Variants in TRANK1 observed in about 807,000 individuals in gnomAD.
The protein encoded by TRANK1 is tetratricopeptide repeat and ankyrin repeat containing 1.
In TRANK1, 198 loss-of-function variants were observed where a neutral mutation model predicts 266.0. The ratio of observed to expected loss-of-function variants is 0.74; its 90% CI spans 0.66 to 0.84. The LOEUF (loss-of-function observed/expected upper bound fraction) is 0.84, where lower values mean the gene tolerates loss of function less well. Among genes scored for constraint, TRANK1 ranks in the 40% least tolerant of loss-of-function variants. The pLI, the probability that TRANK1 is intolerant of heterozygous loss-of-function variation, is 0.00. For synonymous variants in TRANK1, 1,396 were observed against 1,384.1 expected (o/e 1.01, Z -0.19); for missense variants, 3,326 against 3,634.6 (o/e 0.92, Z 2.18).
Position 36,832,011 on chromosome 3 carries a change from G to A in TRANK1, c.7572C>T (p.Phe2524=). ...GCACCTTGGCGAGGTAGGAGAGATG[G>A]AACCGGAAATCCTGAATGGCTCTTG... The part of the protein sequence containing the change: ...DVTRAIQDFR[F]HLSYLAKVLC... Residue 2524 remains phenylalanine, a synonymous_variant, in exon 22 of 24, where the codon TTC becomes TTT. Coordinates refer to ENST00000645898, the MANE Select transcript of TRANK1 (RefSeq NM_001329998.2). 1 of 1,613,998 alleles carries A rather than the reference G, an allele frequency of 6.2e-7. No homozygotes were observed. Among genetic ancestry groups the A allele is most frequent in the Non-Finnish European group, 8.5e-7 (1 of 1,179,892 alleles).
rs2080080908 is a variant in TRANK1 at position 36,913,403 on chromosome 3, T to C, written c.24-4949A>G. ...CTTTCTTGCCTGTTTGCTTGCTTGC[T>C]TGCTTGCTTGCTCACTTACTTTCTT... On this transcript the variant is annotated intron_variant, in intron 1 of 23. Coordinates refer to ENST00000645898, the MANE Select transcript of TRANK1 (RefSeq NM_001329998.2). Among the ~76,000 whole-genome samples the C allele has an allele frequency of 2.0e-5, 3 of 152,026 alleles. No individual in the cohort carries two copies. The South Asian group carries it at 6.2e-4, about 31-fold the overall frequency.
rs1016437276 is a variant in TRANK1 at position 36,868,222 on chromosome 3, T to A, written c.1079-3742A>T. ...TCCATGTTTAATATTAGATCTTTAT[T>A]TAGAAGTCTGGTGATGTTTTTGTGA... On this transcript the variant is annotated intron_variant, in intron 9 of 23. Coordinates refer to ENST00000645898, the MANE Select transcript of TRANK1 (RefSeq NM_001329998.2). Among the ~76,000 whole-genome samples the A allele has an allele frequency of 9.9e-5, 15 of 152,230 alleles. 1 individual carries two copies. The highest frequency in any genetic ancestry group is 3.6e-4 in the African/African-American group (15 of 41,462).
At chr3:36,839,268 A>C (rs1189637042) in intron 18 of TRANK1, among the ~76,000 whole-genome samples, 1 of 152,252 alleles carries the variant, frequency 6.6e-6, no homozygotes, top group African/African-American at 2.4e-5. Flanking sequence ...TAAGGTAGGC[A>C]AACAAATGTC....
intron 3 of TRANK1, among the ~76,000 whole-genome samples, chr3:36,899,955 G>A (rs1331497813): frequency 6.6e-6 from 1 of 152,150 alleles, no homozygotes; most frequent in Non-Finnish European, 1.5e-5. Context: ...TAACTCCTGG[G>A]CTCAAACTAA....
chr3:36,883,809 C>A (rs1329185507), intron 8 of TRANK1, among the ~76,000 whole-genome samples: 1 of 152,082 alleles, frequency 6.6e-6, no homozygotes. Context: ...CAAAATCAAA[C>A]AGGATGTGGG....
intron 1 of TRANK1, among the ~76,000 whole-genome samples, chr3:36,944,472 C>CAT (rs1368884121): frequency 3.9e-5 from 6 of 152,196 alleles, no homozygotes; most frequent in Admixed American, 3.9e-4. Flanking sequence ...CCTGAGGATG[C>CAT]GGAGGTGGGC....
chr3:36,916,508 C>A (rs1224658920), intron 1 of TRANK1, among the ~76,000 whole-genome samples: 1 of 152,162 alleles, frequency 6.6e-6, no homozygotes, highest in Non-Finnish European at 1.5e-5. Context: ...TGCAGTGAGC[C>A]AAGATCGTGC....
At chr3:36,892,731 G>A (rs1033553299) in intron 6 of TRANK1, among the ~76,000 whole-genome samples, 170 bp downstream of exon 6, 5 of 152,014 alleles carry the variant, frequency 3.3e-5, no homozygotes, top group African/African-American at 9.7e-5. Flanking sequence ...TCGGGAGGCT[G>A]AGGCAGGGAG....
chr3:36,941,848 G>C (rs1287515509), intron 1 of TRANK1, among the ~76,000 whole-genome samples: 1 of 152,136 alleles, frequency 6.6e-6, no homozygotes, highest in Non-Finnish European at 1.5e-5. Context: ...GCACTCCAAG[G>C]AAATTTGTTT....
chr3:36,836,127 T>TG (rs1424602231), intron 20 of TRANK1, among the ~76,000 whole-genome samples: 1 of 152,206 alleles, frequency 6.6e-6, no homozygotes, highest in Non-Finnish European at 1.5e-5. Context: ...GTCAAGAATG[T>TG]GGGGAATGCA....
At position 36,831,066 on chromosome 3, in the gene TRANK1, T is replaced by C. The variant is rs778908385; in HGVS notation, c.8517A>G (p.Glu2839=). The change falls in exon 22 of 24, where the codon GAA becomes GAG. Residue 2839 remains glutamate (E), a synonymous_variant. Coordinates refer to ENST00000645898, the MANE Select transcript of TRANK1 (RefSeq NM_001329998.2). The surrounding 1 kb of genome is among the most constrained non-coding windows in gnomAD (Gnocchi z 5.0). ...RQQVAYQKYS[E]FFHEKVDPAI... ...CCGGGTCCACCTTCTCGTGGAAAAA[T>C]TCTGAGTATTTCTGGTAGGCCACTT... is the stretch of plus-strand genomic sequence containing the variant. 6 of 1,613,862 alleles carry C rather than the reference T, an allele frequency of 3.7e-6. No homozygotes were observed. The highest frequency in any genetic ancestry group is 5.1e-6 in the Non-Finnish European group (6 of 1,179,870).
intron 1 of TRANK1, among the ~76,000 whole-genome samples, chr3:36,935,090 A>G (rs1472355569): frequency 6.6e-6 from 1 of 152,034 alleles, no homozygotes; most frequent in African/African-American, 2.4e-5. Context: ...CAGGCCCCCA[A>G]CCCCATCTGC....
chr3:36,877,548 A>G (rs1446542594), intron 8 of TRANK1, among the ~76,000 whole-genome samples: 1 of 152,220 alleles, frequency 6.6e-6, no homozygotes, highest in East Asian at 1.9e-4. Context: ...AAAATGAACT[A>G]AAATACATTT....
intron 15 of TRANK1, chr3:36,850,103 C>T (rs1244681925): frequency 4.1e-6 from 4 of 985,420 alleles, no homozygotes; most frequent in Non-Finnish European, 3.6e-6. Flanking sequence ...TTCTTACTCG[C>T]ACAAGCATAC....
At chr3:36,931,030 T>A (rs1259479065) in intron 1 of TRANK1, among the ~76,000 whole-genome samples, 1 of 152,002 alleles carries the variant, frequency 6.6e-6, no homozygotes, top group Non-Finnish European at 1.5e-5. Flanking sequence ...AGGAAGACAT[T>A]CAGCAATACC....
chr3:36,920,063 C>T (rs775401870), intron 1 of TRANK1, among the ~76,000 whole-genome samples: 28 of 152,244 alleles, frequency 1.8e-4, no homozygotes, highest in African/African-American at 4.3e-4. Context: ...TTCTCCTATG[C>T]GGTACACAAA....
chr3:36,890,571 G>A (rs1237068267), intron 7 of TRANK1, among the ~76,000 whole-genome samples: 1 of 152,194 alleles, frequency 6.6e-6, no homozygotes, highest in Non-Finnish European at 1.5e-5. Flanking sequence ...AGCTAACATT[G>A]ACAACAGGTG....
intron 1 of TRANK1, among the ~76,000 whole-genome samples, chr3:36,922,755 G>A (rs59151356): frequency 3.4e-4 from 52 of 151,026 alleles, no homozygotes; most frequent in Admixed American, 8.6e-4. Context: ...CAGCCTGGGC[G>A]ACAGAGCAAG....
intron 1 of TRANK1, among the ~76,000 whole-genome samples, chr3:36,934,365 C>A (rs572358418): frequency 6.6e-6 from 1 of 152,348 alleles, no homozygotes; most frequent in South Asian, 2.1e-4. Context: ...ATTCCACATC[C>A]CATTGCCCTG....
Sources: allele counts gnomAD v4.1 joint callset (sites outside exome capture counted in the v4.1 genomes callset), GRCh38; gene constraint gnomAD v4.1.1; non-coding constraint Gnocchi (gnomAD v3.1); transcripts MANE v1.5; gene names NCBI Gene and HGNC (gene_info 2026-07-23, HGNC 2026-07-21).